The following PID1 variants were observed in gnomAD, a reference collection of about 807,000 sequenced individuals.
PID1 encodes phosphotyrosine interaction domain containing 1, also known as PTB-containing, cubilin and LRP1-interacting protein.
A neutral mutation model predicts 19.1 loss-of-function variants in PID1; 10 were observed. The ratio of observed to expected loss-of-function variants is 0.52; its 90% CI spans 0.32 to 0.89. The LOEUF (loss-of-function observed/expected upper bound fraction) is 0.89, where lower values mean the gene tolerates loss of function less well. Among genes scored for constraint, PID1 ranks in the 40% least tolerant of loss-of-function variants. The pLI is 0.03. For missense variants in PID1, 248 were observed against 285.3 expected (o/e 0.87, Z 0.94); for synonymous variants, 130 against 116.0 (o/e 1.12, Z -0.78).
chr2:229,253,450 AAAC>A (rs1690206730), intron 1 of PID1, among the ~76,000 whole-genome samples: 1 of 152,264 alleles, frequency 6.6e-6, no homozygotes, highest in African/African-American at 2.4e-5. Flanking sequence ...ACACCCTTAT[AAAC>A]AACAAGGACC....
At position 229,044,372 on chromosome 2, in the gene PID1, C is replaced by A. The variant is rs190385052; in HGVS notation, c.178-18264G>T. ...TGAGTTAGCTCCTCTCTGCCCATCC[C>A]ACCAAGAAAAAGGTAGGACCTGCAC... is the stretch of plus-strand genomic sequence containing the variant. On this transcript the variant is annotated intron_variant, in intron 2 of 2. Transcript: ENST00000392055. Among the ~76,000 whole-genome samples, 4 of 152,166 alleles carry A rather than the reference C, an allele frequency of 2.6e-5. No individual in the cohort carries two copies. The East Asian group carries it at 5.8e-4, about 22-fold the overall frequency.
Position 229,087,021 on chromosome 2 carries a change from A to G in PID1, c.178-60913T>C, listed in dbSNP as rs79655719. Among the ~76,000 whole-genome samples the G allele has an allele frequency of 7.2e-3, 1,093 of 152,248 alleles. 10 individuals are homozygous for G. Among genetic ancestry groups the G allele is most frequent in the African/African-American group, 0.024 (1,011 of 41,552 alleles). On this transcript the variant is annotated intron_variant, in intron 2 of 2. Coordinates refer to ENST00000392055, the MANE Select transcript of PID1 (RefSeq NM_001100818.2). ...AATACTACGTTTTAGCTTTTCAAAT[A>G]ACTGGAAATAACATCAGATTAAGTA...
At chr2:229,108,104 G>GA (rs11429358) in intron 2 of PID1, among the ~76,000 whole-genome samples, 51,566 of 151,634 alleles carry the variant, frequency 0.34, 10,079 homozygotes, top group Middle Eastern at 0.51. Context: ...AGAAAAGAAA[G>GA]AAAAAAATTA....
At chr2:229,064,737 G>A (rs1239335761) in intron 2 of PID1, among the ~76,000 whole-genome samples, 2 of 152,080 alleles carry the variant, frequency 1.3e-5, no homozygotes, top group Non-Finnish European at 2.9e-5. Context: ...TCCCTTTGAT[G>A]AAAAGAAGTC....
chr2:229,222,645 C>T (rs1166790979), intron 1 of PID1, among the ~76,000 whole-genome samples: 3 of 152,096 alleles, frequency 2.0e-5, no homozygotes, highest in Admixed American at 6.5e-5. Context: ...GTACACAAGC[C>T]TCACCCAACC....
chr2:229,232,788 AATATATATATATATATAT>A lies in PID1; in HGVS notation c.30+38208_30+38225del, dbSNP rs3997299. ...GAATATATATACACACACACACATA[AATATATATATATATATAT>A]ATATATATATATATATATTTACATG... On this transcript the variant is annotated intron_variant, in intron 1 of 2. Transcript: ENST00000392055. 2.7e-3 allele frequency among the ~76,000 whole-genome samples: 374 copies of A among 139,906 alleles called. 5 individuals are homozygous for A. Among genetic ancestry groups the A allele is most frequent in the Non-Finnish European group, 4.6e-3 (304 of 65,536 alleles). 91.8% of individuals were successfully genotyped at this position (139,906 alleles called of 152,430 possible).
At chr2:229,065,706 G>A (rs1048677990) in intron 2 of PID1, among the ~76,000 whole-genome samples, 9 of 19,790 alleles carry the variant, frequency 4.5e-4, no homozygotes, top group Admixed American at 1.1e-3. Context: ...GGTCTTTTGT[G>A]ATTTACAAAA....
intron 2 of PID1, among the ~76,000 whole-genome samples, chr2:229,051,937 G>T (rs1407579402): frequency 6.6e-6 from 1 of 152,070 alleles, no homozygotes; most frequent in Non-Finnish European, 1.5e-5. Context: ...TCTCCCTTTA[G>T]AAAAGTCCCA....
intron 1 of PID1, among the ~76,000 whole-genome samples, chr2:229,211,353 G>T (rs1003395138): frequency 6.6e-6 from 1 of 152,006 alleles, no homozygotes; most frequent in Non-Finnish European, 1.5e-5. Context: ...ACTTTGAACG[G>T]TAACTGTTCT....
At chr2:229,267,958 A>T (rs561602859) in intron 1 of PID1, among the ~76,000 whole-genome samples, 1 of 152,252 alleles carries the variant, frequency 6.6e-6, no homozygotes, top group Admixed American at 6.5e-5. Context: ...TGCAGACGGG[A>T]AGGTGAAAAG....
intron 2 of PID1, among the ~76,000 whole-genome samples, chr2:229,154,136 T>A (rs72977156): frequency 0.1 from 15,936 of 152,190 alleles, 1,009 homozygotes; most frequent in South Asian, 0.23. Flanking sequence ...GTTCTCCTTA[T>A]CAGAATTACC....
At chr2:229,078,235 G>T (rs2191834) in intron 2 of PID1, among the ~76,000 whole-genome samples, 119,508 of 152,184 alleles carry the variant, frequency 0.79, 47,575 homozygotes, top group African/African-American at 0.9. Flanking sequence ...TGTGATTTTT[G>T]CACATTGATG....
chr2:229,123,237 C>G (rs1040749532), intron 2 of PID1, among the ~76,000 whole-genome samples: 1 of 152,148 alleles, frequency 6.6e-6, no homozygotes, highest in African/African-American at 2.4e-5. Context: ...ACAGATTTAC[C>G]TATTCAGGGA....
chr2:229,024,151 G>C lies in PID1; in HGVS notation c.*1481C>G, dbSNP rs1693359280. On this transcript the variant is annotated 3_prime_UTR_variant, in exon 3 of 3. Coordinates refer to ENST00000392055, the MANE Select transcript of PID1 (RefSeq NM_001100818.2). ...CTGAAAACTGGGCCCACACACAGGG[G>C]CACACGTACACGCACACAAACGCAG... is the stretch of plus-strand genomic sequence containing the variant. The C allele has an allele frequency of 1.3e-5, 2 of 152,554 alleles. No homozygotes were observed. The highest frequency in any genetic ancestry group is 2.9e-5 in the Non-Finnish European group (2 of 68,034). The allele number at this position is 152,554 out of a possible 1,614,324, so 9.5% of individuals were successfully genotyped here. A position where few individuals can be genotyped will look rare whatever the true frequency, so the allele number is the denominator to read the frequency against.
intron 2 of PID1, among the ~76,000 whole-genome samples, chr2:229,093,578 C>T (rs1694917068): frequency 6.6e-6 from 1 of 152,130 alleles, no homozygotes; most frequent in South Asian, 2.1e-4. Flanking sequence ...TTGAGCTTAT[C>T]CATGTATGTG....
At chr2:229,051,190 C>T (rs116306186) in intron 2 of PID1, among the ~76,000 whole-genome samples, 1,828 of 152,100 alleles carry the variant, frequency 0.012, 19 homozygotes, top group South Asian at 0.019. Flanking sequence ...AGGAAATTAA[C>T]GCAAATTCTC....
At chr2:229,068,412 C>A (rs1039238537) in intron 2 of PID1, among the ~76,000 whole-genome samples, 2 of 150,092 alleles carry the variant, frequency 1.3e-5, no homozygotes, top group Admixed American at 1.3e-4. Context: ...GTAGACTGTC[C>A]GGGTGTAACG....
chr2:229,143,302 T>A (rs11693847), intron 2 of PID1, among the ~76,000 whole-genome samples: 2 of 151,560 alleles, frequency 1.3e-5, no homozygotes, highest in Non-Finnish European at 2.9e-5. Flanking sequence ...CATATGTAAC[T>A]AACCTGCACA....
chr2:229,060,872 C>T (rs187024402), intron 2 of PID1, among the ~76,000 whole-genome samples: 104 of 152,030 alleles, frequency 6.8e-4, no homozygotes, highest in African/African-American at 2.3e-3. Context: ...TAGTGATGAG[C>T]GATTCTTCAT....
Sources: gnomAD v4.1 joint callset for allele counts (sites outside exome capture counted in the v4.1 genomes callset) on GRCh38, gnomAD v4.1.1 for gene constraint, MANE v1.5 for transcripts, NCBI Gene and HGNC (gene_info 2026-07-23, HGNC 2026-07-21) for gene names.